The following RAB3C variants were observed in gnomAD, a reference collection of about 807,000 sequenced individuals.
RAB3C encodes RAB3C, member RAS oncogene family.
RAB3C carries 17 observed loss-of-function variants against 26.4 expected under a neutral mutation model. The observed-to-expected ratio is 0.64, with a 90% CI of 0.44 to 0.97. The LOEUF (loss-of-function observed/expected upper bound fraction) is 0.97, where lower values mean the gene tolerates loss of function less well. Ranked by LOEUF, RAB3C falls within the 50% of genes least tolerant of loss-of-function variation. The probability of loss-of-function intolerance (pLI) is 0.00; values close to 1 mark genes in which losing one functional copy is unlikely to be tolerated. For missense variants in RAB3C, 242 were observed against 281.9 expected (o/e 0.86, Z 1.01); for synonymous variants, 91 against 95.9 (o/e 0.95, Z 0.30).
intron 4 of RAB3C, among the ~76,000 whole-genome samples, chr5:58,840,961 G>A (rs558210420): frequency 3.3e-5 from 5 of 152,224 alleles, no homozygotes; most frequent in Non-Finnish European, 7.3e-5. Flanking sequence ...GGAGTGGTCC[G>A]TGGAACTATT....
chr5:58,854,265 T>C lies in RAB3C; in HGVS notation c.*2914T>C, dbSNP rs1484638508. On this transcript the variant is annotated 3_prime_UTR_variant, in exon 5 of 5. Coordinates refer to ENST00000282878, the MANE Select transcript of RAB3C (RefSeq NM_138453.4). ...TAGTGTTTTAAGTATGAATTTATTT[T>C]CCTTTGCTACTCATTACCTGACCAC... 6.6e-6 allele frequency: 1 copy of C among 152,176 alleles called. No individual in the cohort carries two copies. Among genetic ancestry groups the C allele is most frequent in the Non-Finnish European group, 1.5e-5 (1 of 68,034 alleles). 9.4% of individuals were successfully genotyped at this position (152,176 alleles called of 1,614,324 possible). A position where few individuals can be genotyped will look rare whatever the true frequency, so the allele number is the denominator to read the frequency against.
intron 2 of RAB3C, among the ~76,000 whole-genome samples, chr5:58,656,904 A>C (rs1747784380): frequency 6.6e-6 from 1 of 152,214 alleles, no homozygotes; most frequent in Non-Finnish European, 1.5e-5. Flanking sequence ...AGAGGAAAAG[A>C]AGTCATTATA....
At chr5:58,606,360 G>T (rs1183067501) in intron 1 of RAB3C, among the ~76,000 whole-genome samples, 1 of 152,212 alleles carries the variant, frequency 6.6e-6, no homozygotes, top group African/African-American at 2.4e-5. Flanking sequence ...ATCCACCATT[G>T]CTGAGGCTTG....
chr5:58,583,777 A>G (rs879391638), intron 1 of RAB3C, among the ~76,000 whole-genome samples: 18 of 152,138 alleles, frequency 1.2e-4, no homozygotes, highest in Non-Finnish European at 2.6e-4. Flanking sequence ...GGCTTGGCAT[A>G]TCCCTGAGCT....
chr5:58,746,959 G>A (rs981563915), intron 3 of RAB3C, among the ~76,000 whole-genome samples: 1 of 152,154 alleles, frequency 6.6e-6, no homozygotes, highest in Non-Finnish European at 1.5e-5. Flanking sequence ...TAGCTAGAAG[G>A]CTGTGGAAAC....
At chr5:58,678,283 C>T (rs1748270664) in intron 2 of RAB3C, among the ~76,000 whole-genome samples, 1 of 151,986 alleles carries the variant, frequency 6.6e-6, no homozygotes, top group Non-Finnish European at 1.5e-5. Context: ...TATGTAGGTC[C>T]ATGTTCGGTA....
chr5:58,824,043 G>A (rs1045310107), intron 3 of RAB3C, among the ~76,000 whole-genome samples: 3 of 151,914 alleles, frequency 2.0e-5, no homozygotes, highest in African/African-American at 7.3e-5. Flanking sequence ...TGTCCCTACA[G>A]AGGACATGAA....
chr5:58,721,750 T>A (rs895571245), intron 2 of RAB3C, among the ~76,000 whole-genome samples: 2 of 151,822 alleles, frequency 1.3e-5, no homozygotes, highest in Admixed American at 1.3e-4. Flanking sequence ...TTCTTTATAT[T>A]TGGAGAACAA....
chr5:58,740,459 A>G, intron 3 of RAB3C, among the ~76,000 whole-genome samples: 1 of 152,188 alleles, frequency 6.6e-6, no homozygotes, highest in East Asian at 1.9e-4. Flanking sequence ...TTTTCCTCAT[A>G]AAGTTTATAT....
intron 2 of RAB3C, among the ~76,000 whole-genome samples, chr5:58,646,500 C>T (rs1203910018): frequency 6.6e-6 from 1 of 151,906 alleles, no homozygotes; most frequent in Non-Finnish European, 1.5e-5. Flanking sequence ...ACACCAGTAA[C>T]CCACCGAGCA....
intron 2 of RAB3C, among the ~76,000 whole-genome samples, chr5:58,709,437 G>A (rs941194426): frequency 6.6e-6 from 1 of 152,146 alleles, no homozygotes; most frequent in African/African-American, 2.4e-5. Flanking sequence ...AAACTGAGAT[G>A]TCTGCCTTTC....
intron 1 of RAB3C, among the ~76,000 whole-genome samples, chr5:58,612,681 G>A (rs1305695162): frequency 6.6e-6 from 1 of 151,506 alleles, no homozygotes; most frequent in Non-Finnish European, 1.5e-5. Context: ...TTTGTATCAC[G>A]AGACTTTGCT....
intron 2 of RAB3C, among the ~76,000 whole-genome samples, chr5:58,668,131 A>G (rs1343229925): frequency 6.6e-6 from 1 of 152,140 alleles, no homozygotes; most frequent in Non-Finnish European, 1.5e-5. Context: ...AATTAATATT[A>G]TATTCTAGTG....
intron 3 of RAB3C, among the ~76,000 whole-genome samples, chr5:58,795,855 G>T (rs2112019858): frequency 2.9e-4 from 1 of 3,416 alleles, no homozygotes; most frequent in South Asian, 0.015. Context: ...CAGGAAAAAA[G>T]AAGTGAAAAA....
intron 3 of RAB3C, among the ~76,000 whole-genome samples, chr5:58,787,784 T>A (rs1458807193): frequency 6.6e-6 from 1 of 152,060 alleles, no homozygotes; most frequent in Non-Finnish European, 1.5e-5. Flanking sequence ...GCTCTGTGCC[T>A]AGGTCGGCGG....
At chr5:58,627,448 G>A (rs1209576353) in intron 2 of RAB3C, among the ~76,000 whole-genome samples, 1 of 82,466 alleles carries the variant, frequency 1.2e-5, no homozygotes, top group African/African-American at 4.8e-5. Context: ...GTCCGGCCTG[G>A]GCGACAGAGC....
At position 58,859,305 on chromosome 5, in the gene RAB3C, T is replaced by C. The variant is rs1744331675; in HGVS notation, c.*7954T>C. The C allele has an allele frequency of 6.6e-6, 1 of 152,244 alleles. No individual in the cohort carries two copies. The allele number at this position is 152,244 out of a possible 1,614,324, so 9.4% of individuals were successfully genotyped here. On this transcript the variant is annotated 3_prime_UTR_variant, in exon 5 of 5. Coordinates refer to ENST00000282878, the MANE Select transcript of RAB3C (RefSeq NM_138453.4). ...CTCTATTAGGTATTCAGTTTGTATG[T>C]GAATTCTATAAAGAAAGTGGTTTTT...
chr5:58,725,828 G>T (rs1385439536), intron 2 of RAB3C, among the ~76,000 whole-genome samples, 174 bp from the exon 3 acceptor site: 1 of 151,576 alleles, frequency 6.6e-6, no homozygotes, highest in Admixed American at 6.6e-5. Context: ...TTATGTATCA[G>T]TAAAAAAATC....
intron 4 of RAB3C, among the ~76,000 whole-genome samples, chr5:58,844,348 C>G (rs1309484215): frequency 6.6e-6 from 1 of 152,180 alleles, no homozygotes; most frequent in Non-Finnish European, 1.5e-5. Context: ...AAGACACAGA[C>G]TCAGGGGCTG....
Sources: allele counts gnomAD v4.1 joint callset (sites outside exome capture counted in the v4.1 genomes callset), GRCh38; gene constraint gnomAD v4.1.1; transcripts MANE v1.5; gene names NCBI Gene and HGNC (gene_info 2026-07-23, HGNC 2026-07-21).